HCN1: variants seen among roughly 807,000 people sequenced by gnomAD.
HCN1 encodes potassium/sodium hyperpolarization-activated cyclic nucleotide-gated channel 1.
A neutral mutation model predicts 78.9 loss-of-function variants in HCN1; 13 were observed. The observed-to-expected ratio is 0.16, with a 90% confidence interval of 0.11 to 0.26. The LOEUF is 0.26. Among genes scored for constraint, HCN1 ranks in the 10% least tolerant of loss-of-function variants. The pLI is 1.00. For missense variants in HCN1, 810 were observed against 1,154.3 expected (o/e 0.70, Z 4.32); for synonymous variants, 552 against 455.5 (o/e 1.21, Z -2.70).
chr5:45,610,450 T>C (rs1248073882), intron 2 of HCN1, among the ~76,000 whole-genome samples: 1 of 151,360 alleles, frequency 6.6e-6, no homozygotes, highest in African/African-American at 2.4e-5. Flanking sequence ...TTTTATATAT[T>C]TCAAGAATAT....
chr5:45,362,890 C>T (rs1747145590), intron 4 of HCN1, among the ~76,000 whole-genome samples: 1 of 151,674 alleles, frequency 6.6e-6, no homozygotes, highest in Admixed American at 6.6e-5. Flanking sequence ...TTCTTCTCTC[C>T]TTTCTCAACC....
At chr5:45,603,401 A>G (rs1478587364) in intron 2 of HCN1, among the ~76,000 whole-genome samples, 3 of 152,122 alleles carry the variant, frequency 2.0e-5, no homozygotes, top group African/African-American at 7.2e-5. Context: ...TGATAAATAG[A>G]AGCAAGACAA....
chr5:45,298,751 C>G (rs114488808), intron 6 of HCN1, among the ~76,000 whole-genome samples: 1 of 151,902 alleles, frequency 6.6e-6, no homozygotes, highest in African/African-American at 2.4e-5. Flanking sequence ...CAATACTCCC[C>G]GCTCCTTACT....
intron 2 of HCN1, among the ~76,000 whole-genome samples, chr5:45,620,198 A>G (rs1324466059): frequency 6.6e-6 from 1 of 152,076 alleles, no homozygotes; most frequent in Non-Finnish European, 1.5e-5. Flanking sequence ...AACATCATAT[A>G]TTCCTAAAGA....
intron 2 of HCN1, among the ~76,000 whole-genome samples, chr5:45,602,359 A>T (rs1744642993): frequency 6.6e-6 from 1 of 152,098 alleles, no homozygotes; most frequent in Non-Finnish European, 1.5e-5. Context: ...ACACACAAAG[A>T]GACGTCATGG....
rs1385868300 is a variant in HCN1, at chr5:45,371,935, T to C, written c.1231-18689A>G. 1.3e-4 allele frequency among the ~76,000 whole-genome samples: 13 copies of C among 101,622 alleles called. No individual in the cohort carries two copies. The East Asian group carries it at 3.1e-3, about 24-fold the overall frequency. 66.7% of individuals were successfully genotyped at this position (101,622 alleles called of 152,430 possible). A position where few individuals can be genotyped will look rare whatever the true frequency, so the allele number is the denominator to read the frequency against. ...AAAATATATAATATACATTATATTA[T>C]ATATAATATATAATATAATATAATT... On this transcript the variant is annotated intron_variant, in intron 4 of 7. Coordinates refer to ENST00000303230, the MANE Select transcript of HCN1 (RefSeq NM_021072.4).
chr5:45,489,624 T>C (rs1423600606), intron 2 of HCN1, among the ~76,000 whole-genome samples: 2 of 152,080 alleles, frequency 1.3e-5, no homozygotes, highest in Admixed American at 1.3e-4. Context: ...GCCAGATCCT[T>C]AGGCAACCAG....
chr5:45,426,418 T>A (rs1310284368), intron 3 of HCN1, among the ~76,000 whole-genome samples: 1 of 152,204 alleles, frequency 6.6e-6, no homozygotes, highest in Non-Finnish European at 1.5e-5. Context: ...TCCCCACATG[T>A]CATGGGAGGG....
At chr5:45,285,437 G>A (rs1431765314) in intron 6 of HCN1, among the ~76,000 whole-genome samples, 2 of 151,866 alleles carry the variant, frequency 1.3e-5, no homozygotes, top group Non-Finnish European at 2.9e-5. Flanking sequence ...GAAGCTGGTG[G>A]GAACTAGGTG....
intron 3 of HCN1, among the ~76,000 whole-genome samples, chr5:45,431,885 T>C (rs1214837230): frequency 6.6e-6 from 1 of 152,188 alleles, no homozygotes; most frequent in Non-Finnish European, 1.5e-5. Context: ...CCAGCTTTGC[T>C]CTTTTTGCTT....
chr5:45,564,595 T>A (rs1208772079), intron 2 of HCN1, among the ~76,000 whole-genome samples: 1 of 152,214 alleles, frequency 6.6e-6, no homozygotes, highest in Non-Finnish European at 1.5e-5. Context: ...AAGGGTAGAC[T>A]ATTAAAGCAA....
At chr5:45,508,755 T>C (rs913529750) in intron 2 of HCN1, among the ~76,000 whole-genome samples, 41 of 152,140 alleles carry the variant, frequency 2.7e-4, no homozygotes, top group Non-Finnish European at 3.5e-4. Flanking sequence ...AAATTTATGA[T>C]AGATACATTT....
intron 5 of HCN1, among the ~76,000 whole-genome samples, chr5:45,329,355 C>T (rs1225809625): frequency 6.6e-6 from 1 of 151,374 alleles, no homozygotes; most frequent in East Asian, 1.9e-4. Flanking sequence ...TGGAATTACA[C>T]AATATTAGCA....
intron 2 of HCN1, among the ~76,000 whole-genome samples, chr5:45,550,822 C>G (rs1473203862): frequency 6.6e-6 from 1 of 151,934 alleles, no homozygotes; most frequent in African/African-American, 2.4e-5. Context: ...ATTCACAAAT[C>G]TCCCATCTGC....
At chr5:45,617,872 T>C (rs1455496377) in intron 2 of HCN1, among the ~76,000 whole-genome samples, 2 of 152,108 alleles carry the variant, frequency 1.3e-5, no homozygotes, top group Non-Finnish European at 2.9e-5. Context: ...GACATTCCAA[T>C]GAGACTATAG....
At chr5:45,651,138 C>A (rs1048417811) in intron 1 of HCN1, among the ~76,000 whole-genome samples, 1 of 151,938 alleles carries the variant, frequency 6.6e-6, no homozygotes, top group Admixed American at 6.6e-5. Flanking sequence ...GATTTACAGT[C>A]GCTCCTATTT....
chr5:45,266,739 C>T (rs1217375235), intron 7 of HCN1, among the ~76,000 whole-genome samples: 2 of 147,166 alleles, frequency 1.4e-5, no homozygotes, highest in Non-Finnish European at 3.0e-5. Context: ...GACAAGGTTT[C>T]ACTCTCTCTC....
intron 1 of HCN1, among the ~76,000 whole-genome samples, chr5:45,649,739 T>C (rs1176450369): frequency 1.3e-5 from 2 of 152,118 alleles, no homozygotes; most frequent in Admixed American, 6.6e-5. Flanking sequence ...TGCTATAAGA[T>C]AGATAGCATC....
At chr5:45,453,560 A>C (rs1383461561) in intron 3 of HCN1, among the ~76,000 whole-genome samples, 1 of 152,066 alleles carries the variant, frequency 6.6e-6, no homozygotes, top group African/African-American at 2.4e-5. Context: ...ATAAACATAA[A>C]TTGGCAATGG....
Sources: gnomAD v4.1 joint callset for allele counts (sites outside exome capture counted in the v4.1 genomes callset) on GRCh38, gnomAD v4.1.1 for gene constraint, MANE v1.5 for transcripts, NCBI Gene and HGNC (gene_info 2026-07-23, HGNC 2026-07-21) for gene names.